Variants in DTNB observed in about 807,000 individuals in gnomAD.
DTNB encodes DTN-B.
Under a neutral mutation model 90.7 loss-of-function variants are expected in DTNB, and 63 were observed. That is an observed-to-expected ratio of 0.69 (90% CI 0.57 to 0.86). The LOEUF is 0.86. Ranked by LOEUF, DTNB falls within the 40% of genes least tolerant of loss-of-function variation. DTNB has a pLI of 0.00. For missense variants in DTNB, 744 were observed against 807.1 expected, an observed-to-expected ratio of 0.92 and a Z score of 0.95; for synonymous variants, 277 against 286.7, an observed-to-expected ratio of 0.97 and a Z score of 0.34.
chr2:25,609,948 T>C (rs2068143212), intron 4 of DTNB, among the ~76,000 whole-genome samples: 1 of 152,136 alleles, frequency 6.6e-6, no homozygotes, highest in African/African-American at 2.4e-5. Flanking sequence ...CAAATGACTA[T>C]TAAGTGCATG....
At chr2:25,379,492 C>A in intron 19 of DTNB, 169 bp from the exon 20 acceptor site, 1 of 816,260 alleles carries the variant, frequency 1.2e-6, no homozygotes, top group South Asian at 6.4e-5. Context: ...AGGGTAGAGT[C>A]ATACTTTCTA....
chr2:25,597,376 T>C (rs2064869041), intron 5 of DTNB, among the ~76,000 whole-genome samples: 1 of 152,066 alleles, frequency 6.6e-6, no homozygotes, highest in Admixed American at 6.6e-5. Context: ...ATTCTATATA[T>C]TCACAGTGAA....
At chr2:25,462,865 G>A (rs1400617093) in intron 10 of DTNB, among the ~76,000 whole-genome samples, 5 of 152,000 alleles carry the variant, frequency 3.3e-5, no homozygotes, top group African/African-American at 7.3e-5. Flanking sequence ...CACCACGCCC[G>A]GCTAATTTTT....
intron 16 of DTNB, among the ~76,000 whole-genome samples, chr2:25,416,956 T>C (rs2048146977): frequency 6.6e-6 from 1 of 152,186 alleles, no homozygotes; most frequent in African/African-American, 2.4e-5. Context: ...TAAAGCTTTA[T>C]AGTCTCTTCA....
intron 9 of DTNB, among the ~76,000 whole-genome samples, chr2:25,502,267 C>CA (rs2070921309): frequency 6.6e-6 from 1 of 151,952 alleles, no homozygotes; most frequent in East Asian, 1.9e-4. Flanking sequence ...AGACATTCGA[C>CA]AAAAAGGAAG....
intron 19 of DTNB, chr2:25,379,681 C>T: frequency 4.0e-6 from 1 of 252,884 alleles, no homozygotes; most frequent in Non-Finnish European, 7.5e-6. Flanking sequence ...GAGGGCGGTC[C>T]CCCTCCTGCA....
In DTNB at chr2:25,382,195, C is replaced by A. The variant is rs150047558; in HGVS notation, c.1879+1641G>T. On this transcript the variant is annotated intron_variant, in intron 19 of 20. Coordinates refer to ENST00000406818, the MANE Select transcript of DTNB (RefSeq NM_021907.5). ...CTTCCTGCTCTCCCTACCTTCACCTCCTTGGGGTGACCAGCCATTGCATTT... is the reference window on the plus strand; with the variant it reads ...CTTCCTGCTCTCCCTACCTTCACCTACTTGGGGTGACCAGCCATTGCATTT... Among the ~76,000 whole-genome samples, 65 of 152,342 alleles carry A rather than the reference C, an allele frequency of 4.3e-4. No homozygotes were observed. In the Middle Eastern group the frequency reaches 0.01, roughly 24 times the overall value.
In DTNB at chr2:25,458,068, T is replaced by TAG. The variant is rs1475526046; in HGVS notation, c.1080-2575_1080-2574insCT. On this transcript the variant is annotated intron_variant, in intron 10 of 20. Coordinates refer to ENST00000406818, the MANE Select transcript of DTNB (RefSeq NM_021907.5). The stretch of plus-strand genomic sequence containing the variant: ...CAGGATGGTCTCGATCTCTTGACCT[T>TAG]GTGATCCACCCACCTCTGCCTCCCA... Among the ~76,000 whole-genome samples, 8 of 152,086 alleles carry TAG rather than the reference T, an allele frequency of 5.3e-5. No homozygotes were observed. The East Asian group carries it at 7.7e-4, about 15-fold the overall frequency.
chr2:25,639,215 G>T, intron 2 of DTNB, 121 bp from the exon 3 acceptor site: 1 of 919,156 alleles, frequency 1.1e-6, no homozygotes, highest in Non-Finnish European at 1.5e-6. Flanking sequence ...TCTTAAAAAC[G>T]GTGGGTCAAT....
intron 12 of DTNB, 96 bp downstream of exon 12, chr2:25,451,452 T>C: frequency 2.3e-6 from 3 of 1,303,054 alleles, no homozygotes; most frequent in East Asian, 2.7e-5. Context: ...CCGAGGTACC[T>C]GTTCTCCTAA....
intron 7 of DTNB, among the ~76,000 whole-genome samples, chr2:25,578,896 T>G (rs1450677891): frequency 6.6e-6 from 1 of 152,160 alleles, no homozygotes; most frequent in Non-Finnish European, 1.5e-5. Context: ...TACCATAATT[T>G]TATAATTTGT....
intron 8 of DTNB, among the ~76,000 whole-genome samples, chr2:25,538,608 C>A (rs1417357224): frequency 6.6e-6 from 1 of 152,078 alleles, no homozygotes; most frequent in Non-Finnish European, 1.5e-5. Flanking sequence ...TATGCCACCA[C>A]ACCTGGCTAA....
At chr2:25,641,765 C>A (rs1025324705) in intron 2 of DTNB, among the ~76,000 whole-genome samples, 1 of 152,172 alleles carries the variant, frequency 6.6e-6, no homozygotes, top group Non-Finnish European at 1.5e-5. Context: ...CCTTTGATTT[C>A]CAGACAAGGG....
intron 16 of DTNB, 166 bp from the exon 17 acceptor site, chr2:25,388,527 G>T: frequency 1.0e-6 from 1 of 970,780 alleles, no homozygotes; most frequent in Non-Finnish European, 1.5e-6. Context: ...AGACTGGAGA[G>T]AGGAAGAAAA....
In DTNB at chr2:25,377,358, G is replaced by A. The variant is rs1357398362; in HGVS notation, c.*225C>T. Reference sequence around the variant, plus strand: ...GTACATGCAGGGCTGTGCAGGGGGAGGCCCACTAGCTGTGCCACGCAGCCC... The same window carrying A: ...GTACATGCAGGGCTGTGCAGGGGGAAGCCCACTAGCTGTGCCACGCAGCCC... On this transcript the variant is annotated 3_prime_UTR_variant, in exon 21 of 21. Coordinates refer to ENST00000406818, the MANE Select transcript of DTNB (RefSeq NM_021907.5). 1 of 153,008 alleles carries A rather than the reference G, an allele frequency of 6.5e-6. No individual in the cohort carries two copies. The highest frequency in any genetic ancestry group is 1.5e-5 in the Non-Finnish European group (1 of 68,202). 9.5% of individuals were successfully genotyped at this position (153,008 alleles called of 1,614,324 possible). A position where few individuals can be genotyped will look rare whatever the true frequency, so the allele number is the denominator to read the frequency against.
chr2:25,652,795 A>G (rs1307519239), intron 1 of DTNB, 134 bp from the exon 2 acceptor site: 2 of 727,352 alleles, frequency 2.7e-6, no homozygotes, highest in Admixed American at 6.7e-5. Flanking sequence ...GTAAAAATAA[A>G]CTGGAAGCCT....
chr2:25,419,576 G>A (rs1192810814), intron 15 of DTNB, 41 bp from the exon 16 acceptor site: 3 of 1,550,306 alleles, frequency 1.9e-6, no homozygotes, highest in East Asian at 4.9e-5. Context: ...GAGGAAAAAA[G>A]GAGAGAAATT....
rs936870622 is a variant in DTNB, at chr2:25,580,791, C to T, written c.639G>A (p.Met213Ile). The change falls in exon 7 of 21, where the codon ATG (methionine) becomes ATA (isoleucine). Residue 213 changes from methionine to isoleucine, a missense_variant. Met to Ile is a conservative substitution (Grantham distance 10, BLOSUM62 1). Transcript: ENST00000406818. ...KIMLNMFLDT[M>I]MADPPPQCLV... ...GGCACTGGGGAGGAGGGTCAGCCAT[C>T]ATTGTGTCTAAAAACATATTTAGCA... The T allele has an allele frequency of 6.2e-7, 1 of 1,613,448 alleles. No homozygotes were observed. Among genetic ancestry groups the T allele is most frequent in the Non-Finnish European group, 8.5e-7 (1 of 1,179,514 alleles).
At chr2:25,526,358 T>A (rs2077077765) in intron 9 of DTNB, among the ~76,000 whole-genome samples, 3 of 92,740 alleles carry the variant, frequency 3.2e-5, no homozygotes, top group Non-Finnish European at 5.5e-5. Context: ...TATAAATATA[T>A]ATAAATATAT....
Sources: allele counts gnomAD v4.1 joint callset (sites outside exome capture counted in the v4.1 genomes callset), GRCh38; gene constraint gnomAD v4.1.1; transcripts MANE v1.5; gene names NCBI Gene and HGNC (gene_info 2026-07-23, HGNC 2026-07-21).